Variants in SHCBP1L observed in about 807,000 individuals in gnomAD.
The protein encoded by SHCBP1L is SHC binding and spindle associated 1 like, also known as testicular spindle-associated protein SHCBP1L.
A neutral mutation model predicts 62.5 loss-of-function variants in SHCBP1L; 67 were observed. That is an observed-to-expected ratio of 1.07 (90% CI 0.88 to 1.31). The LOEUF (loss-of-function observed/expected upper bound fraction) is 1.31. Ranked by LOEUF, SHCBP1L falls within the 40% of genes most tolerant of loss-of-function variation. The probability of loss-of-function intolerance (pLI) is 0.00; values close to 1 mark genes in which losing one functional copy is unlikely to be tolerated. For missense variants in SHCBP1L, 823 were observed against 809.8 expected, an observed-to-expected ratio of 1.02 and a Z score of -0.20; for synonymous variants, 284 against 289.4, an observed-to-expected ratio of 0.98 and a Z score of 0.19.
intron 8 of SHCBP1L, 105 bp from the exon 9 acceptor site, chr1:182,903,266 T>C (rs911010876): frequency 7.4e-6 from 7 of 948,630 alleles, no homozygotes; most frequent in Admixed American, 3.0e-5. Context: ...ACTATAAACA[T>C]TGAGTTACGT....
chr1:182,939,699 G>A, intron 3 of SHCBP1L, 146 bp from the exon 4 acceptor site: 1 of 604,108 alleles, frequency 1.7e-6, no homozygotes, highest in African/African-American at 1.9e-5. Flanking sequence ...TGAACTAAAA[G>A]GTAAAACTTC....
At chr1:182,929,046 G>A (rs1443248062) in intron 6 of SHCBP1L, among the ~76,000 whole-genome samples, 3 of 152,166 alleles carry the variant, frequency 2.0e-5, no homozygotes, top group Non-Finnish European at 4.4e-5. Flanking sequence ...CAAGGAAAGA[G>A]ATTATTTCAA....
chr1:182,944,991 T>G (rs560391772), intron 2 of SHCBP1L, among the ~76,000 whole-genome samples: 1 of 147,974 alleles, frequency 6.8e-6, no homozygotes, highest in Non-Finnish European at 1.5e-5. Context: ...GACGGAGCCT[T>G]TCTTTGTCAC....
At chr1:182,938,356 G>A (rs1232765702) in intron 5 of SHCBP1L, among the ~76,000 whole-genome samples, 1 of 152,064 alleles carries the variant, frequency 6.6e-6, no homozygotes, top group Non-Finnish European at 1.5e-5. Flanking sequence ...TGCCCACCTC[G>A]GCCTCCCAAA....
At chr1:182,940,718 T>C (rs1359620246) in intron 2 of SHCBP1L, among the ~76,000 whole-genome samples, 175 bp from the exon 3 acceptor site, 1 of 152,246 alleles carries the variant, frequency 6.6e-6, no homozygotes, top group Non-Finnish European at 1.5e-5. Flanking sequence ...CCAATAGTTT[T>C]ACAAACCCTA....
In SHCBP1L at chr1:182,944,957, C is replaced by CTTT. The variant is rs11309339; in HGVS notation, c.556-4417_556-4415dup. ...TGCTCATTTTCTTTTTTCTTTCTTT[C>CTTT]TTTTTTTTTTTTTTTTTTTTTGAGA... On this transcript the variant is annotated intron_variant, in intron 2 of 9. Transcript: ENST00000367547. Among the ~76,000 whole-genome samples, 221 of 109,010 alleles carry CTTT rather than the reference C, an allele frequency of 2.0e-3. 1 individual carries two copies. The highest frequency in any genetic ancestry group is 3.5e-3 in the African/African-American group (91 of 25,838). The allele number at this position is 109,010 out of a possible 152,430, so 71.5% of individuals were successfully genotyped here. A position where few individuals can be genotyped will look rare whatever the true frequency, so the allele number is the denominator to read the frequency against.
At chr1:182,929,567 G>T in intron 6 of SHCBP1L, 80 bp downstream of exon 6, 2 of 798,680 alleles carry the variant, frequency 2.5e-6, no homozygotes, top group Non-Finnish European at 1.9e-6. Context: ...ATTAGACAAG[G>T]ACTCCACCCT....
In SHCBP1L at chr1:182,939,229, A is replaced by T. The variant is rs1288135126; in HGVS notation, c.1023T>A (p.Tyr341Ter). 3.1e-6 allele frequency: 5 copies of T among 1,613,440 alleles called. No homozygotes were observed. In the South Asian group the frequency reaches 4.4e-5, roughly 14 times the overall value. The change falls in exon 5 of 10, where the codon TAT becomes TAA. Residue 341 changes from tyrosine (Y) to a stop codon, truncating the protein, a stop_gained. Transcript: ENST00000367547. LOFTEE classifies it high-confidence loss of function. ...AEAVECWKKY[Y>*]EIVMLCGLLK... is the part of the protein sequence containing the mutation. ...GTAATCCACAGAGCATGACTATCTC[A>T]TAGTATTTTTTCCAGCATTCAACAG...
intron 5 of SHCBP1L, among the ~76,000 whole-genome samples, chr1:182,931,408 A>C (rs891994623): frequency 1.3e-5 from 2 of 152,208 alleles, no homozygotes; most frequent in African/African-American, 4.8e-5. Context: ...ATTTACATAC[A>C]AGGTATTCAT....
chr1:182,920,902 C>T (rs753448588), intron 6 of SHCBP1L, among the ~76,000 whole-genome samples: 3 of 152,106 alleles, frequency 2.0e-5, no homozygotes, highest in Non-Finnish European at 4.4e-5. Flanking sequence ...ACCAAACCTA[C>T]GACTCATTGG....
intron 1 of SHCBP1L, chr1:182,951,959 A>G (rs1258657155): frequency 5.8e-6 from 2 of 346,714 alleles, no homozygotes; most frequent in Non-Finnish European, 1.2e-5. Context: ...GTTCGAGTCC[A>G]GCCTGACCAA....
chr1:182,942,504 C>T, intron 2 of SHCBP1L: 1 of 621,336 alleles, frequency 1.6e-6, no homozygotes. Flanking sequence ...CTCCCGCCGC[C>T]CGAGCTACTG....
At chr1:182,919,966 C>A (rs1650477344) in intron 6 of SHCBP1L, among the ~76,000 whole-genome samples, 1 of 152,124 alleles carries the variant, frequency 6.6e-6, no homozygotes, top group Non-Finnish European at 1.5e-5. Flanking sequence ...CCTCCCCTAC[C>A]AGCACACATG....
chr1:182,945,319 T>C (rs527567886), intron 2 of SHCBP1L, among the ~76,000 whole-genome samples: 1 of 152,292 alleles, frequency 6.6e-6, no homozygotes, highest in South Asian at 2.1e-4. Flanking sequence ...CCTTAAGTTG[T>C]AAAAATCTCC....
chr1:182,939,015 A>G (rs1651266501), intron 5 of SHCBP1L, among the ~76,000 whole-genome samples, 161 bp downstream of exon 5: 1 of 152,206 alleles, frequency 6.6e-6, no homozygotes, highest in Admixed American at 6.5e-5. Flanking sequence ...CAGCTAATAC[A>G]ATTTTCTAAT....
At chr1:182,909,451 AAAG>A (rs778002179) in intron 6 of SHCBP1L, among the ~76,000 whole-genome samples, 1 of 152,218 alleles carries the variant, frequency 6.6e-6, no homozygotes, top group African/African-American at 2.4e-5. Context: ...AAGATCTCAC[AAAG>A]AATATTGAAA....
intron 6 of SHCBP1L, among the ~76,000 whole-genome samples, chr1:182,929,165 C>G (rs1424121433): frequency 1.3e-5 from 2 of 152,168 alleles, no homozygotes; most frequent in Non-Finnish European, 2.9e-5. Context: ...ATTCATCCTT[C>G]AGGATTCAGC....
chr1:182,901,060 G>A (rs1174100934), intron 9 of SHCBP1L, among the ~76,000 whole-genome samples: 1 of 152,200 alleles, frequency 6.6e-6, no homozygotes, highest in Non-Finnish European at 1.5e-5. Flanking sequence ...AAGGTAATGT[G>A]ATAGCATGAC....
At chr1:182,927,332 A>G (rs1650798941) in intron 6 of SHCBP1L, among the ~76,000 whole-genome samples, 1 of 151,970 alleles carries the variant, frequency 6.6e-6, no homozygotes, top group Non-Finnish European at 1.5e-5. Context: ...GTATAGAGCA[A>G]GAATTCTCAG....
Sources: allele counts gnomAD v4.1 joint callset (sites outside exome capture counted in the v4.1 genomes callset), GRCh38; gene constraint gnomAD v4.1.1; transcripts MANE v1.5; gene names NCBI Gene and HGNC (gene_info 2026-07-23, HGNC 2026-07-21).